MAPK8: variants seen among roughly 807,000 people sequenced by gnomAD.
The protein encoded by MAPK8 is mitogen-activated protein kinase 8.
A neutral mutation model predicts 52.9 loss-of-function variants in MAPK8; 13 were observed. The ratio of observed to expected loss-of-function variants is 0.25; its 90% CI spans 0.16 to 0.39. MAPK8 has a LOEUF of 0.39. Ranked by LOEUF, MAPK8 falls within the 10% of genes least tolerant of loss-of-function variation. MAPK8 has a pLI of 1.00. For synonymous variants in MAPK8, 191 were observed against 169.8 expected, an observed-to-expected ratio of 1.12 and a Z score of -0.97; for missense variants, 300 against 519.2, an observed-to-expected ratio of 0.58 and a Z score of 4.10.
At chr10:48,325,565 A>G (rs1266238768) in intron 1 of MAPK8, among the ~76,000 whole-genome samples, 1 of 152,228 alleles carries the variant, frequency 6.6e-6, no homozygotes, top group East Asian at 1.9e-4. Flanking sequence ...AAAATTGAGT[A>G]TATACTACAG....
chr10:48,380,266 A>C (rs2040917715), intron 1 of MAPK8, among the ~76,000 whole-genome samples: 1 of 152,180 alleles, frequency 6.6e-6, no homozygotes, highest in South Asian at 2.1e-4. Context: ...AGAATAAAAC[A>C]GTTTACTGCA....
intron 3 of MAPK8, among the ~76,000 whole-genome samples, chr10:48,407,483 A>G (rs956165426): frequency 6.6e-6 from 1 of 152,218 alleles, no homozygotes; most frequent in Admixed American, 6.5e-5. Flanking sequence ...TGAAGTAGTT[A>G]TATACCACTA....
chr10:48,367,711 A>G (rs982741510), intron 1 of MAPK8, among the ~76,000 whole-genome samples: 1 of 152,238 alleles, frequency 6.6e-6, no homozygotes, highest in African/African-American at 2.4e-5. Context: ...AGTTAGATAT[A>G]TAGGTAACTT....
At chr10:48,367,794 C>T (rs2132595848) in intron 1 of MAPK8, among the ~76,000 whole-genome samples, 2 of 152,188 alleles carry the variant, frequency 1.3e-5, no homozygotes, top group East Asian at 3.9e-4. Context: ...ATTTCTTGGC[C>T]TTATATAATG....
At chr10:48,388,745 C>A (rs1001258941) in intron 1 of MAPK8, among the ~76,000 whole-genome samples, 1 of 152,020 alleles carries the variant, frequency 6.6e-6, no homozygotes, top group Non-Finnish European at 1.5e-5. Context: ...TTATTTGGTG[C>A]TAGTGTCAGC....
intron 1 of MAPK8, among the ~76,000 whole-genome samples, chr10:48,367,966 T>TA (rs1848213717): frequency 6.6e-6 from 1 of 152,178 alleles, no homozygotes; most frequent in African/African-American, 2.4e-5. Flanking sequence ...TAAATTAACT[T>TA]ATATTACAAT....
intron 10 of MAPK8, 158 bp from the exon 11 acceptor site, chr10:48,431,035 A>G: frequency 1.5e-6 from 1 of 646,062 alleles, no homozygotes; most frequent in Non-Finnish European, 2.8e-6. Flanking sequence ...TTATTAATTA[A>G]CATCCTTGAA....
intron 1 of MAPK8, among the ~76,000 whole-genome samples, chr10:48,358,797 G>A (rs1421840829): frequency 2.6e-5 from 4 of 152,112 alleles, no homozygotes; most frequent in African/African-American, 9.7e-5. Context: ...ACATGGTATA[G>A]GTAACAGGCT....
intron 5 of MAPK8, among the ~76,000 whole-genome samples, chr10:48,416,163 C>A (rs1266833289): frequency 6.6e-6 from 1 of 152,182 alleles, no homozygotes; most frequent in African/African-American, 2.4e-5. Context: ...AATAACCTGA[C>A]CTTTCATCCC....
intron 1 of MAPK8, among the ~76,000 whole-genome samples, chr10:48,393,008 C>T (rs1156530903): frequency 1.3e-5 from 2 of 152,092 alleles, no homozygotes; most frequent in African/African-American, 4.8e-5. Flanking sequence ...CCTTTGGCTT[C>T]TTCAGTATGT....
chr10:48,333,571 G>A (rs1844351281), intron 1 of MAPK8, among the ~76,000 whole-genome samples: 1 of 152,216 alleles, frequency 6.6e-6, no homozygotes, highest in Non-Finnish European at 1.5e-5. Context: ...GCTGTAATGA[G>A]GGCCTGGTTT....
intron 1 of MAPK8, among the ~76,000 whole-genome samples, chr10:48,378,744 T>C (rs1055301805): frequency 2.0e-5 from 3 of 151,748 alleles, no homozygotes; most frequent in Non-Finnish European, 4.4e-5. Flanking sequence ...TAATTATATA[T>C]ATATAAAATG....
intron 1 of MAPK8, among the ~76,000 whole-genome samples, chr10:48,341,458 C>G (rs1444718024): frequency 6.6e-6 from 1 of 152,148 alleles, no homozygotes; most frequent in Non-Finnish European, 1.5e-5. Context: ...ATTTGGGATG[C>G]TCAACTGGCA....
At chr10:48,377,826 T>G (rs2040763334) in intron 1 of MAPK8, among the ~76,000 whole-genome samples, 1 of 152,202 alleles carries the variant, frequency 6.6e-6, no homozygotes, top group Non-Finnish European at 1.5e-5. Flanking sequence ...AGGGAGTGAC[T>G]ACAAAAGTTG....
intron 1 of MAPK8, among the ~76,000 whole-genome samples, chr10:48,316,553 A>G (rs1026277447): frequency 6.6e-6 from 1 of 152,228 alleles, no homozygotes; most frequent in Non-Finnish European, 1.5e-5. Flanking sequence ...GAGAGCATGC[A>G]GTCAAAGTAG....
At chr10:48,400,425 T>C (rs1024484413) in intron 1 of MAPK8, among the ~76,000 whole-genome samples, 7 of 152,240 alleles carry the variant, frequency 4.6e-5, no homozygotes, top group African/African-American at 1.7e-4. Context: ...TCTTCATTGT[T>C]TCTCTTTCAT....
chr10:48,321,453 T>C (rs763776771), intron 1 of MAPK8, among the ~76,000 whole-genome samples: 20 of 152,218 alleles, frequency 1.3e-4, no homozygotes, highest in Non-Finnish European at 2.6e-4. Context: ...TATTTTCTCC[T>C]GTTTCAGAGG....
chr10:48,347,651 G>C (rs1035960759), intron 1 of MAPK8, among the ~76,000 whole-genome samples: 2 of 152,092 alleles, frequency 1.3e-5, no homozygotes, highest in Admixed American at 6.5e-5. Context: ...TGTGGTGGTT[G>C]GTTTTCTATT....
chr10:48,399,550 G>A (rs1371836367), intron 1 of MAPK8, among the ~76,000 whole-genome samples: 1 of 152,182 alleles, frequency 6.6e-6, no homozygotes, highest in Non-Finnish European at 1.5e-5. Context: ...GGGCCACCCT[G>A]TTCTGAGAAC....
Sources: gnomAD v4.1 joint callset for allele counts (sites outside exome capture counted in the v4.1 genomes callset) on GRCh38, gnomAD v4.1.1 for gene constraint, MANE v1.5 for transcripts, NCBI Gene and HGNC (gene_info 2026-07-23, HGNC 2026-07-21) for gene names.